AKAP13: variants seen among roughly 807,000 people sequenced by gnomAD.
AKAP13 encodes the protein A-kinase anchoring protein 13.
A neutral mutation model predicts 264.5 loss-of-function variants in AKAP13; 80 were observed. That is an observed-to-expected ratio of 0.30 (90% CI 0.25 to 0.36). The LOEUF is 0.36. AKAP13 is among the 10% of genes least tolerant of loss of function. AKAP13 has a pLI of 1.00. For synonymous variants in AKAP13, 1,380 were observed against 1,250.2 expected, an observed-to-expected ratio of 1.10 and a Z score of -2.19; for missense variants, 3,712 against 3,435.2, an observed-to-expected ratio of 1.08 and a Z score of -2.01.
rs769926385 is a variant in AKAP13 at position 85,580,409 on chromosome 15, T to G, written c.2341T>G (p.Ser781Ala). Residue 781 changes from serine (S) to alanine (A), a missense_variant, in exon 7 of 37, where the codon TCA becomes GCA. This residue lies in a region of AKAP13 where 2,759 missense variants were observed against 2,411.7 expected (regional missense o/e 1.14). Coordinates refer to ENST00000394518, the MANE Select transcript of AKAP13 (RefSeq NM_007200.5). ...KELVPDQAVI[S>A]DSTFSLANSP... is the part of the protein sequence containing the mutation. ...ACTGGTGCCAGACCAGGCAGTAATA[T>G]CAGACAGTACTTTCTCTCTGGCAAA... 4 of 1,614,158 alleles carry G rather than the reference T, an allele frequency of 2.5e-6. No homozygotes were observed. In the Admixed American group the frequency reaches 6.7e-5, roughly 27 times the overall value.
intron 3 of AKAP13, among the ~76,000 whole-genome samples, chr15:85,523,110 T>G (rs985321486): frequency 2.5e-4 from 38 of 151,946 alleles, no homozygotes; most frequent in African/African-American, 8.0e-4. Flanking sequence ...CTTTAACGTG[T>G]GAGCCTTTGA....
chr15:85,739,877 T>G (rs2088828372), intron 33 of AKAP13, among the ~76,000 whole-genome samples: 1 of 152,254 alleles, frequency 6.6e-6, no homozygotes, highest in Non-Finnish European at 1.5e-5. Flanking sequence ...TGAAATGCTA[T>G]TTACATGCTA....
chr15:85,665,414 T>C lies in AKAP13; in HGVS notation c.4992+659T>C, dbSNP rs75056104. 6.1e-3 allele frequency among the ~76,000 whole-genome samples: 934 copies of C among 152,234 alleles called. 7 individuals carry two copies. Among genetic ancestry groups the C allele is most frequent in the African/African-American group, 0.022 (896 of 41,534 alleles). On this transcript the variant is annotated intron_variant, in intron 13 of 36. Transcript: ENST00000394518. ...AATTTTCCCAATTCTCTAAAACATA[T>C]CCCAAGTTTCTCCTTTGTAGGAAAA... is the stretch of plus-strand genomic sequence containing the variant.
rs374937850 is a variant in AKAP13 at position 85,490,785 on chromosome 15, T to C, written c.33+5032T>C. ...AGCCATGAACAAAACAGAAGGTCCC[T>C]GCTCTCCTGGTACTTGCATTGTAGT... On this transcript the variant is annotated intron_variant, in intron 2 of 36. Coordinates refer to ENST00000394518, the MANE Select transcript of AKAP13 (RefSeq NM_007200.5). 5.9e-5 allele frequency among the ~76,000 whole-genome samples: 9 copies of C among 152,212 alleles called. No homozygotes were observed. The East Asian group carries it at 1.2e-3, about 19-fold the overall frequency.
At position 85,664,449 on chromosome 15, in the gene AKAP13, G is replaced by A. The variant is rs544073725; in HGVS notation, c.4800-114G>A. 352 of 1,069,534 alleles carry A rather than the reference G, an allele frequency of 3.3e-4. 2 individuals are homozygous for A. The African/African-American group carries it at 5.2e-3, about 16-fold the overall frequency. 66.3% of individuals were successfully genotyped at this position (1,069,534 alleles called of 1,614,324 possible). A position where few individuals can be genotyped will look rare whatever the true frequency, so the allele number is the denominator to read the frequency against. On this transcript the variant is annotated intron_variant, in intron 12 of 36. Coordinates refer to ENST00000394518, the MANE Select transcript of AKAP13 (RefSeq NM_007200.5). ...CATGCCCTTTTAGACAGTTTTGCTA[G>A]CTGACATAGAAATAATACACAAACA...
intron 8 of AKAP13, chr15:85,627,837 G>A (rs1168883757): frequency 6.6e-6 from 1 of 152,260 alleles, no homozygotes; most frequent in Non-Finnish European, 1.5e-5. Flanking sequence ...GAAAGGCTAT[G>A]AAGTCCAGCT....
Position 85,741,443 on chromosome 15 carries a change from G to C in AKAP13, c.8006G>C (p.Arg2669Pro), listed in dbSNP as rs746154680. The change falls in exon 35 of 37, where the codon CGC becomes CCC. Residue 2669 changes from arginine (R) to proline (P), a missense_variant. Coordinates refer to ENST00000394518, the MANE Select transcript of AKAP13 (RefSeq NM_007200.5). ...KQLEREQEQL[R>P]REAERLSQRQ... ...CTTGAGAGGGAACAGGAGCAGCTGC[G>C]CCGGGAGGCAGAGCGGCTCAGCCAG... 11 of 1,608,704 alleles carry C rather than the reference G, an allele frequency of 6.8e-6. No homozygotes were observed. Among genetic ancestry groups the C allele is most frequent in the Non-Finnish European group, 9.4e-6 (11 of 1,176,004 alleles).
intron 4 of AKAP13, among the ~76,000 whole-genome samples, chr15:85,541,023 CTGAA>C (rs1427432979): frequency 3.3e-5 from 5 of 152,288 alleles, no homozygotes; most frequent in East Asian, 3.9e-4. Flanking sequence ...ATGGTTAACT[CTGAA>C]TGAGGAGGAG....
intron 5 of AKAP13, among the ~76,000 whole-genome samples, chr15:85,546,321 A>AACACACACACACAC (rs60271542): frequency 0.039 from 5,635 of 145,020 alleles, 165 homozygotes; most frequent in Middle Eastern, 0.07. Context: ...GTTGTTACCA[A>AACACACACACACAC]ACACACACAC....
Position 85,730,463 on chromosome 15 carries a change from G to A in AKAP13, c.7088-50G>A, listed in dbSNP as rs192132231. The A allele has an allele frequency of 2.9e-4, 463 of 1,570,392 alleles. 1 individual carries two copies. The African/African-American group carries it at 5.1e-3, about 17-fold the overall frequency. ...TGGTGCTCGTGTCTTAGTCATTCTC[G>A]TAATTACTAAACACCAATCAAATCA... On this transcript the variant is annotated intron_variant, in intron 29 of 36. Coordinates refer to ENST00000394518, the MANE Select transcript of AKAP13 (RefSeq NM_007200.5).
At position 85,687,588 on chromosome 15, in the gene AKAP13, A is replaced by G. The variant is rs180954177; in HGVS notation, c.5289+2715A>G. Among the ~76,000 whole-genome samples, 622 of 152,310 alleles carry G rather than the reference A, an allele frequency of 4.1e-3. 4 individuals carry two copies. Among genetic ancestry groups the G allele is most frequent in the African/African-American group, 0.014 (591 of 41,560 alleles). The stretch of plus-strand genomic sequence containing the variant: ...TAGCAGTGGAAACTCAAAAAATTAC[A>G]AATTTGTAACCCTGAATTGTAGTCC... On this transcript the variant is annotated intron_variant, in intron 16 of 36. Coordinates refer to ENST00000394518, the MANE Select transcript of AKAP13 (RefSeq NM_007200.5).
In AKAP13 at chr15:85,427,556, G is replaced by T. The variant is rs561102550; in HGVS notation, c.-12+46758G>T. 3.3e-5 allele frequency among the ~76,000 whole-genome samples: 5 copies of T among 152,174 alleles called. No individual in the cohort carries two copies. In the South Asian group the frequency reaches 1.0e-3, roughly 32 times the overall value. On this transcript the variant is annotated intron_variant, in intron 1 of 36. Transcript: ENST00000394518. ...GCTTTAAAAGTAAAACATTAACCAT[G>T]TATGTTTGGTAAATGCTAGACTGTA...
At chr15:85,410,919 A>G (rs2071930236) in intron 1 of AKAP13, among the ~76,000 whole-genome samples, 1 of 151,718 alleles carries the variant, frequency 6.6e-6, no homozygotes, top group Non-Finnish European at 1.5e-5. Flanking sequence ...TGTCCCCTTT[A>G]GTTCCTTGTA....
chr15:85,439,442 C>T (rs976341775), intron 1 of AKAP13, among the ~76,000 whole-genome samples: 3 of 151,952 alleles, frequency 2.0e-5, no homozygotes, highest in African/African-American at 7.3e-5. Context: ...ACTAGAAATA[C>T]CATTTGACCC....
chr15:85,578,988 C>A lies in AKAP13; in HGVS notation c.920C>A (p.Pro307His). 6.2e-7 allele frequency: 1 copy of A among 1,614,024 alleles called. No homozygotes were observed. The highest frequency in any genetic ancestry group is 8.5e-7 in the Non-Finnish European group (1 of 1,180,020). The change falls in exon 7 of 37, where the codon CCT becomes CAT. Residue 307 changes from proline (P) to histidine (H), a missense_variant. This residue lies in a region of AKAP13 where 2,759 missense variants were observed against 2,411.7 expected (regional missense o/e 1.14). Transcript: ENST00000394518. Reference sequence around the variant, plus strand: ...CCCTTAATGATGACAGCACAGGATCCTTCCAGTGCCCCAGAGACAGATGGC... The same window carrying A: ...CCCTTAATGATGACAGCACAGGATCATTCCAGTGCCCCAGAGACAGATGGC... The part of the protein sequence containing the change: ...LMPLMMTAQD[P>H]SSAPETDGQF...
Position 85,712,219 on chromosome 15 carries a change from T to A in AKAP13, c.5599+1574T>A, listed in dbSNP as rs760632103. On this transcript the variant is annotated intron_variant, in intron 19 of 36. Transcript: ENST00000394518. ...CTCCTTTATGCCCAGTTTCTCTGAGTACTTCCAGATAGCTCCTGAATGGCT... is the reference window on the plus strand; with the variant it reads ...CTCCTTTATGCCCAGTTTCTCTGAGAACTTCCAGATAGCTCCTGAATGGCT... 1.3e-4 allele frequency among the ~76,000 whole-genome samples: 20 copies of A among 152,282 alleles called. No homozygotes were observed. In the South Asian group the frequency reaches 4.1e-3, roughly 32 times the overall value.
intron 30 of AKAP13, 107 bp from the exon 31 acceptor site, chr15:85,734,885 T>C: frequency 6.9e-7 from 1 of 1,440,248 alleles, no homozygotes; most frequent in Non-Finnish European, 9.3e-7. Flanking sequence ...CCAGTCACTC[T>C]TTGGAACTTT....
At chr15:85,384,555 A>G (rs997389715) in intron 1 of AKAP13, among the ~76,000 whole-genome samples, 8 of 151,992 alleles carry the variant, frequency 5.3e-5, no homozygotes, top group African/African-American at 1.9e-4. Context: ...CATCTCTACT[A>G]AAAATACAAA....
intron 12 of AKAP13, among the ~76,000 whole-genome samples, chr15:85,660,225 C>G (rs2083277897): frequency 6.6e-6 from 1 of 151,904 alleles, no homozygotes; most frequent in Non-Finnish European, 1.5e-5. Context: ...TGGTGGCATG[C>G]ACCTGTAATC....
Sources: allele counts gnomAD v4.1 joint callset (sites outside exome capture counted in the v4.1 genomes callset), GRCh38; gene constraint gnomAD v4.1.1; regional missense constraint gnomAD v4.1.1; transcripts MANE v1.5; gene names NCBI Gene and HGNC (gene_info 2026-07-23, HGNC 2026-07-21).